Variants in NDUFA6 observed in about 807,000 individuals in gnomAD.
NDUFA6 encodes the protein NADH dehydrogenase [ubiquinone] 1 alpha subcomplex subunit 6.
Under a neutral mutation model 12.5 loss-of-function variants are expected in NDUFA6, and 10 were observed. The observed-to-expected ratio is 0.80, with a 90% CI of 0.49 to 1.35. NDUFA6 has a LOEUF of 1.35. Ranked by LOEUF, NDUFA6 falls within the 40% of genes most tolerant of loss-of-function variation. The pLI is 0.00. For synonymous variants in NDUFA6, 66 were observed against 63.0 expected, an observed-to-expected ratio of 1.05 and a Z score of -0.23; for missense variants, 177 against 173.5, an observed-to-expected ratio of 1.02 and a Z score of -0.11.
At chr22:42,088,398 A>T (rs1307840353) in intron 1 of NDUFA6, among the ~76,000 whole-genome samples, 1 of 151,138 alleles carries the variant, frequency 6.6e-6, no homozygotes, top group Non-Finnish European at 1.5e-5. Flanking sequence ...TGGGCGACAG[A>T]GCGAGACTCC....
intron 1 of NDUFA6, among the ~76,000 whole-genome samples, chr22:42,088,413 CA>C (rs34569405): frequency 2.0e-5 from 3 of 149,472 alleles, no homozygotes; most frequent in Non-Finnish European, 3.0e-5. Context: ...GACTCCGTCT[CA>C]AAAAAAATAA....
chr22:42,089,158 T>G (rs1928461719), intron 1 of NDUFA6, among the ~76,000 whole-genome samples: 1 of 151,968 alleles, frequency 6.6e-6, no homozygotes, highest in Non-Finnish European at 1.5e-5. Context: ...GGGTTCTGTC[T>G]TCTACTTGGC....
rs899336827 is a variant in NDUFA6 at position 42,086,038 on chromosome 22, G to A, written c.*145C>T. The A allele has an allele frequency of 3.9e-5, 39 of 987,374 alleles. No homozygotes were observed. Among genetic ancestry groups the A allele is most frequent in the Non-Finnish European group, 5.8e-5 (36 of 621,656 alleles). 61.2% of individuals were successfully genotyped at this position (987,374 alleles called of 1,614,324 possible). A position where few individuals can be genotyped will look rare whatever the true frequency, so the allele number is the denominator to read the frequency against. ...AGAAAAGGGAAAGAACAGGTGATGT[G>A]TATACCAAGGTCCCACTTGCTCAGG... On this transcript the variant is annotated 3_prime_UTR_variant, in exon 3 of 3. Coordinates refer to ENST00000498737, the MANE Select transcript of NDUFA6 (RefSeq NM_002490.6).
chr22:42,090,496 G>T (rs544313952), intron 1 of NDUFA6, 110 bp downstream of exon 1: 1 of 1,321,628 alleles, frequency 7.6e-7, no homozygotes. Context: ...ACCCGCAGTC[G>T]CCTCTGCCCA....
At chr22:42,087,929 G>A (rs1928366802) in intron 1 of NDUFA6, among the ~76,000 whole-genome samples, 1 of 148,324 alleles carries the variant, frequency 6.7e-6, no homozygotes, top group South Asian at 2.1e-4. Context: ...CCAACATGGT[G>A]AAACCCCGTC....
Position 42,086,159 on chromosome 22 carries a change from C to T in NDUFA6, c.*24G>A, listed in dbSNP as rs768727500. On this transcript the variant is annotated 3_prime_UTR_variant, in exon 3 of 3. Coordinates refer to ENST00000498737, the MANE Select transcript of NDUFA6 (RefSeq NM_002490.6). ...TATTTGTGCTCTAAAATAGTATCAA[C>T]GTGCATCTTTCCACTGAATGACTTC... 8 of 1,614,164 alleles carry T rather than the reference C, an allele frequency of 5.0e-6. No individual in the cohort carries two copies. Among genetic ancestry groups the T allele is most frequent in the East Asian group, 2.2e-5 (1 of 44,892 alleles).
intron 2 of NDUFA6, 38 bp from the exon 3 acceptor site, chr22:42,086,352 C>G: frequency 6.2e-7 from 1 of 1,613,812 alleles, no homozygotes; most frequent in South Asian, 1.1e-5. Flanking sequence ...TCAAAGTTGT[C>G]AAGTTGAAGG....
At position 42,085,847 on chromosome 22, in the gene NDUFA6, A is replaced by C; in HGVS notation, c.*336T>G. ...TAGATAATCTGTGCCCTGACACTGA[A>C]GTGTCTAATCATAGGGGCTATAGAA... is the stretch of plus-strand genomic sequence containing the variant. On this transcript the variant is annotated 3_prime_UTR_variant, in exon 3 of 3. Transcript: ENST00000498737. The C allele has an allele frequency of 2.4e-6, 1 of 409,370 alleles. No individual in the cohort carries two copies. The highest frequency in any genetic ancestry group is 2.2e-5 in the South Asian group (1 of 45,700). The allele number at this position is 409,370 out of a possible 1,614,324, so 25.4% of individuals were successfully genotyped here. A position where few individuals can be genotyped will look rare whatever the true frequency, so the allele number is the denominator to read the frequency against.
At chr22:42,090,476 C>T (rs533884772) in intron 1 of NDUFA6, 130 bp downstream of exon 1, 2 of 1,150,748 alleles carry the variant, frequency 1.7e-6, no homozygotes. Flanking sequence ...TGACCCTCTT[C>T]CCCTGAAGCA....
In NDUFA6 at chr22:42,086,033, G is replaced by A. The variant is rs1191052547; in HGVS notation, c.*150C>T. On this transcript the variant is annotated 3_prime_UTR_variant, in exon 3 of 3. Coordinates refer to ENST00000498737, the MANE Select transcript of NDUFA6 (RefSeq NM_002490.6). ...TTTCAAGAAAAGGGAAAGAACAGGT[G>A]ATGTGTATACCAAGGTCCCACTTGC... is the stretch of plus-strand genomic sequence containing the variant. The A allele has an allele frequency of 3.2e-6, 3 of 927,706 alleles. No homozygotes were observed. Among genetic ancestry groups the A allele is most frequent in the Non-Finnish European group, 5.3e-6 (3 of 570,316 alleles). The allele number at this position is 927,706 out of a possible 1,614,324, so 57.5% of individuals were successfully genotyped here. A position where few individuals can be genotyped will look rare whatever the true frequency, so the allele number is the denominator to read the frequency against.
At chr22:42,086,539 G>C (rs1171602728) in intron 2 of NDUFA6, among the ~76,000 whole-genome samples, 1 of 152,216 alleles carries the variant, frequency 6.6e-6, no homozygotes, top group Non-Finnish European at 1.5e-5. Context: ...CTGGTACCAA[G>C]AGGAGAAACA....
At chr22:42,090,502 G>T in intron 1 of NDUFA6, 104 bp downstream of exon 1, 1 of 1,388,476 alleles carries the variant, frequency 7.2e-7, no homozygotes, top group Non-Finnish European at 1.0e-6. Context: ...AGTCGCCTCT[G>T]CCCAAGTTGG....
chr22:42,088,371 C>G (rs985543935), intron 1 of NDUFA6, among the ~76,000 whole-genome samples: 2 of 151,508 alleles, frequency 1.3e-5, no homozygotes, highest in African/African-American at 4.9e-5. Context: ...TGCGCCACTG[C>G]AGTCCGCAGT....
At chr22:42,088,323 C>T (rs1190534172) in intron 1 of NDUFA6, among the ~76,000 whole-genome samples, 2 of 151,962 alleles carry the variant, frequency 1.3e-5, no homozygotes, top group Non-Finnish European at 2.9e-5. Flanking sequence ...AGGAGAATGG[C>T]GTGAACCCGG....
intron 1 of NDUFA6, among the ~76,000 whole-genome samples, chr22:42,088,767 T>C (rs965361196): frequency 6.6e-6 from 1 of 152,066 alleles, no homozygotes; most frequent in Non-Finnish European, 1.5e-5. Flanking sequence ...ACTGTTTTTT[T>C]CATTAAATAC....
chr22:42,090,758 C>G lies in NDUFA6; in HGVS notation c.-14G>C, dbSNP rs1568993245. ...GCTCCCCGCCATCTTGCCAAAGCATCCACTCCACAACCCCACCCCTTTGCA... is the reference window on the plus strand; with the variant it reads ...GCTCCCCGCCATCTTGCCAAAGCATGCACTCCACAACCCCACCCCTTTGCA... On this transcript the variant is annotated 5_prime_UTR_variant, in exon 1 of 3. Coordinates refer to ENST00000498737, the MANE Select transcript of NDUFA6 (RefSeq NM_002490.6). 1 of 1,614,120 alleles carries G rather than the reference C, an allele frequency of 6.2e-7. No individual in the cohort carries two copies. Among genetic ancestry groups the G allele is most frequent in the African/African-American group, 1.3e-5 (1 of 74,948 alleles).
intron 1 of NDUFA6, chr22:42,089,782 A>C (rs1477123590): frequency 6.6e-6 from 1 of 152,182 alleles, no homozygotes; most frequent in Non-Finnish European, 1.5e-5. Context: ...AACTGGCCCA[A>C]GGTCACACAG....
At chr22:42,089,130 C>T (rs1479786272) in intron 1 of NDUFA6, among the ~76,000 whole-genome samples, 1 of 151,954 alleles carries the variant, frequency 6.6e-6, no homozygotes, top group Non-Finnish European at 1.5e-5. Context: ...GAGCTGGATC[C>T]TCAGAGTCAG....
rs765693216 is a variant in NDUFA6 at position 42,087,114 on chromosome 22, A to C, written c.201T>G (p.Phe67Leu). ...GGTCTGTGACATGGGCATTCTTCATAAACATTTCTCGGACTTTATCCCGTC... is the reference window on the plus strand; with the variant it reads ...GGTCTGTGACATGGGCATTCTTCATCAACATTTCTCGGACTTTATCCCGTC... ...KMGRDKVREM[F>L]MKNAHVTDPR... Residue 67 changes from phenylalanine to leucine, a missense_variant, in exon 2 of 3, where the codon TTT (phenylalanine) becomes TTG (leucine). Physicochemically the swap from Phe to Leu is conservative, Grantham distance 22. Around this residue, in one of 3 missense-constraint regions of NDUFA6, gnomAD observed 4 missense variants for 16.9 expected, o/e 0.24. Coordinates refer to ENST00000498737, the MANE Select transcript of NDUFA6 (RefSeq NM_002490.6). The C allele has an allele frequency of 1.2e-6, 2 of 1,614,206 alleles. No homozygotes were observed. The highest frequency in any genetic ancestry group is 8.5e-7 in the Non-Finnish European group (1 of 1,180,020).
Sources: gnomAD v4.1 joint callset for allele counts (sites outside exome capture counted in the v4.1 genomes callset) on GRCh38, gnomAD v4.1.1 for gene constraint, gnomAD v4.1.1 regional missense constraint, MANE v1.5 for transcripts, NCBI Gene and HGNC (gene_info 2026-07-23, HGNC 2026-07-21) for gene names.